The following ARL5B variants were observed in gnomAD, a reference collection of about 807,000 sequenced individuals.
ARL5B encodes the protein ADP-ribosylation factor-like protein 5B.
A neutral mutation model predicts 26.9 loss-of-function variants in ARL5B; 10 were observed. That is an observed-to-expected ratio of 0.37 (90% CI 0.23 to 0.63). ARL5B has a LOEUF of 0.63. Ranked by LOEUF, ARL5B falls within the 30% of genes least tolerant of loss-of-function variation. The probability of loss-of-function intolerance (pLI) is 0.62; values close to 1 mark genes in which losing one functional copy is unlikely to be tolerated. For synonymous variants in ARL5B, 87 were observed against 70.4 expected (o/e 1.24, Z -1.18); for missense variants, 167 against 213.9 (o/e 0.78, Z 1.37).
intron 3 of ARL5B, among the ~76,000 whole-genome samples, chr10:18,669,469 G>A (rs1564865454): frequency 6.6e-6 from 1 of 152,016 alleles, no homozygotes; most frequent in South Asian, 2.1e-4. Context: ...ATCTCTCAAA[G>A]TTCTCTGCCA....
At chr10:18,666,667 C>G in intron 2 of ARL5B, 32 bp downstream of exon 2, 1 of 1,534,494 alleles carries the variant, frequency 6.5e-7, no homozygotes, top group Non-Finnish European at 8.9e-7. Flanking sequence ...ACAGTTTTCA[C>G]TAGTTATTGA....
At chr10:18,664,491 A>G (rs7922241) in intron 1 of ARL5B, among the ~76,000 whole-genome samples, 110,825 of 143,144 alleles carry the variant, frequency 0.77, 42,804 homozygotes, top group East Asian at 0.98. Context: ...AGGCTGGAGC[A>G]CAGTGACCCG....
intron 1 of ARL5B, among the ~76,000 whole-genome samples, chr10:18,663,413 C>A (rs1375488021): frequency 1.3e-5 from 2 of 152,158 alleles, no homozygotes; most frequent in African/African-American, 2.4e-5. Context: ...TTAATCATTT[C>A]TTTCCAATCC....
rs188706260 is a variant in ARL5B, at chr10:18,681,514, T to C, written c.*6298T>C. ...ACCCAAGTAAAACGATGCTGTTTGC[T>C]CTGGAATGTTCATCTTTTAGACAGG... On this transcript the variant is annotated 3_prime_UTR_variant, in exon 6 of 6. Transcript: ENST00000377275. 1.3e-5 allele frequency: 2 copies of C among 152,358 alleles called. No individual in the cohort carries two copies. Among genetic ancestry groups the C allele is most frequent in the East Asian group, 3.9e-4 (2 of 5,190 alleles). 9.4% of individuals were successfully genotyped at this position (152,358 alleles called of 1,614,324 possible).
Position 18,659,542 on chromosome 10 carries a change from G to A in ARL5B, c.-96G>A, listed in dbSNP as rs1590221035. On this transcript the variant is annotated 5_prime_UTR_variant, in exon 1 of 6. Coordinates refer to ENST00000377275, the MANE Select transcript of ARL5B (RefSeq NM_178815.5). ...GCCCTCGCTGCGCGATCTCAGGCGG[G>A]TTCTCCTCGGCTCCGCGCAGCCCGC... 6.9e-7 allele frequency: 1 copy of A among 1,443,714 alleles called. No individual in the cohort carries two copies. 89.4% of individuals were successfully genotyped at this position (1,443,714 alleles called of 1,614,324 possible).
chr10:18,670,733 T>C (rs1316960444), intron 3 of ARL5B, among the ~76,000 whole-genome samples: 1 of 152,234 alleles, frequency 6.6e-6, no homozygotes, highest in Non-Finnish European at 1.5e-5. Context: ...CAGTTATCAT[T>C]GATGAATAGG....
intron 1 of ARL5B, among the ~76,000 whole-genome samples, chr10:18,662,875 G>T (rs1215666980): frequency 1.3e-5 from 2 of 151,450 alleles, no homozygotes; most frequent in African/African-American, 4.9e-5. Flanking sequence ...GCTAATTTTT[G>T]TATTTTTAGT....
chr10:18,663,743 T>C (rs990070374), intron 1 of ARL5B, among the ~76,000 whole-genome samples: 37 of 150,928 alleles, frequency 2.5e-4, no homozygotes, highest in African/African-American at 8.5e-4. Flanking sequence ...AGAGACGGGG[T>C]TTCACCATGT....
intron 1 of ARL5B, 120 bp downstream of exon 1, chr10:18,659,803 C>T (rs2059819503): frequency 4.6e-6 from 7 of 1,519,308 alleles, no homozygotes; most frequent in Non-Finnish European, 5.3e-6. Context: ...GGACTTAGGC[C>T]AGGGGGCGGG....
In ARL5B at chr10:18,679,990, C is replaced by A. The variant is rs1024701707; in HGVS notation, c.*4774C>A. The A allele has an allele frequency of 6.6e-6, 1 of 151,910 alleles. No homozygotes were observed. Among genetic ancestry groups the A allele is most frequent in the African/African-American group, 2.4e-5 (1 of 41,414 alleles). 9.4% of individuals were successfully genotyped at this position (151,910 alleles called of 1,614,324 possible). On this transcript the variant is annotated 3_prime_UTR_variant, in exon 6 of 6. Transcript: ENST00000377275. The stretch of plus-strand genomic sequence containing the variant: ...GTTTTAGAATTTGGAACTGTAGTCA[C>A]ATAAAGGCATCTTTTGCATTTCTTA...
Position 18,678,777 on chromosome 10 carries a change from T to C in ARL5B, c.*3561T>C, listed in dbSNP as rs1399822703. ...GGTAAAGTGACTTCAAGATACAGCA[T>C]GGTGTCTTGTATCTAGTAGAATATT... On this transcript the variant is annotated 3_prime_UTR_variant, in exon 6 of 6. Transcript: ENST00000377275. 1 of 151,812 alleles carries C rather than the reference T, an allele frequency of 6.6e-6. No individual in the cohort carries two copies. Among genetic ancestry groups the C allele is most frequent in the East Asian group, 1.9e-4 (1 of 5,192 alleles). The allele number at this position is 151,812 out of a possible 1,614,324, so 9.4% of individuals were successfully genotyped here. A position where few individuals can be genotyped will look rare whatever the true frequency, so the allele number is the denominator to read the frequency against.
At chr10:18,666,705 A>T in intron 2 of ARL5B, 70 bp downstream of exon 2, 1 of 1,268,510 alleles carries the variant, frequency 7.9e-7, no homozygotes, top group African/African-American at 1.5e-5. Flanking sequence ...TTAATAAGAG[A>T]TGCATTATAA....
intron 1 of ARL5B, among the ~76,000 whole-genome samples, chr10:18,660,761 C>G (rs781539774): frequency 6.6e-6 from 1 of 152,144 alleles, no homozygotes; most frequent in Non-Finnish European, 1.5e-5. Context: ...TATCCAGTAA[C>G]CACAGATAAT....
intron 1 of ARL5B, among the ~76,000 whole-genome samples, chr10:18,663,307 T>C (rs2059845373): frequency 6.6e-6 from 1 of 152,162 alleles, no homozygotes; most frequent in African/African-American, 2.4e-5. Flanking sequence ...TGGCCAGTTA[T>C]TTCTAGTGTT....
intron 1 of ARL5B, among the ~76,000 whole-genome samples, chr10:18,663,557 TTTTTTTTTTGAGATGGAG>T (rs771432733): frequency 5.4e-4 from 78 of 143,802 alleles, no homozygotes; most frequent in Non-Finnish European, 1.1e-3. Flanking sequence ...TTTTTTTTTT[TTTTTTTTTTGAGATGGAG>T]TCTCTCTCTG....
rs61749167 is a variant in ARL5B at position 18,668,662 on chromosome 10, T to C, written c.240T>C (p.Tyr80=). The part of the protein sequence containing the change: ...QESLRSSWNT[Y]YSNTEFIILV... ...CTCTGCGATCATCCTGGAACACATA[T>C]TACTCAAATACAGAGGTATGCTAAG... The change falls in exon 3 of 6, where the codon TAT becomes TAC. Residue 80 remains tyrosine, a synonymous_variant. Transcript: ENST00000377275. 6,099 of 1,613,996 alleles carry C rather than the reference T, an allele frequency of 3.8e-3. 228 individuals carry two copies. In the African/African-American group the frequency reaches 0.071, roughly 19 times the overall value.
intron 1 of ARL5B, among the ~76,000 whole-genome samples, chr10:18,663,068 C>T (rs1218361760): frequency 6.6e-6 from 1 of 151,766 alleles, no homozygotes; most frequent in African/African-American, 2.4e-5. Flanking sequence ...GAGTGTAGTC[C>T]TGTGATCTCA....
rs1488453424 is a variant in ARL5B at position 18,679,766 on chromosome 10, G to A, written c.*4550G>A. ...TACGAAAAACAAATTCAAAGCACTT[G>A]AAAGTAAAGACAATATCATGAGGTC... On this transcript the variant is annotated 3_prime_UTR_variant, in exon 6 of 6. Transcript: ENST00000377275. 1.3e-5 allele frequency: 2 copies of A among 151,902 alleles called. No homozygotes were observed. The highest frequency in any genetic ancestry group is 2.9e-5 in the Non-Finnish European group (2 of 67,860). The allele number at this position is 151,902 out of a possible 1,614,324, so 9.4% of individuals were successfully genotyped here.
intron 3 of ARL5B, among the ~76,000 whole-genome samples, chr10:18,671,258 C>T (rs1269762896): frequency 2.6e-5 from 4 of 151,446 alleles, no homozygotes; most frequent in Admixed American, 6.6e-5. Flanking sequence ...GTGCAGCCTC[C>T]GCCTCCCAGG....
Sources: allele counts gnomAD v4.1 joint callset (sites outside exome capture counted in the v4.1 genomes callset), GRCh38; gene constraint gnomAD v4.1.1; transcripts MANE v1.5; gene names NCBI Gene and HGNC (gene_info 2026-07-23, HGNC 2026-07-21).